Variants in PDE4D observed in about 807,000 individuals in gnomAD.
PDE4D encodes the protein phosphodiesterase 4D.
In PDE4D, 24 loss-of-function variants were observed where a neutral mutation model predicts 87.4. The observed-to-expected ratio is 0.27, with a 90% CI of 0.20 to 0.39. The LOEUF is 0.39. Among genes scored for constraint, PDE4D ranks in the 10% least tolerant of loss-of-function variants. The pLI is 1.00. For missense variants in PDE4D, 714 were observed against 1,041.0 expected (o/e 0.69, Z 4.32); for synonymous variants, 384 against 383.2 (o/e 1.00, Z -0.02).
chr5:60,086,189 T>A (rs894293057), intron 2 of PDE4D, among the ~76,000 whole-genome samples: 1 of 152,204 alleles, frequency 6.6e-6, no homozygotes, highest in African/African-American at 2.4e-5. Flanking sequence ...ATATTCTAGA[T>A]AAAACAACAG....
chr5:60,023,587 TTTCTCTACTTCTACAGGTCCCC>T (rs1218440947), intron 2 of PDE4D, among the ~76,000 whole-genome samples: 1 of 152,186 alleles, frequency 6.6e-6, no homozygotes, highest in African/African-American at 2.4e-5. Flanking sequence ...TTCAGATTTC[TTTCTCTACTTCTACAGGTCCCC>T]TTCTCTCCAC....
chr5:60,296,015 C>G lies in PDE4D; in HGVS notation c.-89-110328G>C, dbSNP rs561332112. 3.4e-4 allele frequency among the ~76,000 whole-genome samples: 52 copies of G among 152,278 alleles called. 1 individual carries two copies. The highest frequency in any genetic ancestry group is 2.3e-3 in the South Asian group (11 of 4,828). ...ATAGATGGCACCTTCTCACGGTGTC[C>G]TCACATGGTGGAAGAGTTAACGGAG... On this transcript the variant is annotated intron_variant, in intron 1 of 16. Coordinates refer to the PDE4D transcript ENST00000502484.
At chr5:59,286,917 T>TATC (rs10661060) in intron 1 of PDE4D, among the ~76,000 whole-genome samples, 100,930 of 151,750 alleles carry the variant, frequency 0.67, 34,888 homozygotes, top group African/African-American at 0.86. Flanking sequence ...TCTTTGGATG[T>TATC]ATATTTTCAT....
At chr5:59,914,501 G>A (rs1753784452) in intron 3 of PDE4D, among the ~76,000 whole-genome samples, 2 of 151,890 alleles carry the variant, frequency 1.3e-5, no homozygotes. Flanking sequence ...AGCAAGTTGA[G>A]GGAGAGATCA....
chr5:59,996,634 C>A (rs978083331), intron 2 of PDE4D, among the ~76,000 whole-genome samples: 5 of 152,082 alleles, frequency 3.3e-5, no homozygotes, highest in African/African-American at 1.2e-4. Flanking sequence ...TGTCTCATTA[C>A]TTATTATGTA....
At chr5:58,977,416 T>C (rs1744070638) in intron 11 of PDE4D, 71 bp from the exon 12 acceptor site, 2 of 1,441,318 alleles carry the variant, frequency 1.4e-6, no homozygotes, top group Non-Finnish European at 1.9e-6. Flanking sequence ...CTTAAAATTC[T>C]GGATTTAGGA....
At chr5:60,425,095 A>G (rs903340984) in intron 1 of PDE4D, among the ~76,000 whole-genome samples, 12 of 152,216 alleles carry the variant, frequency 7.9e-5, no homozygotes, top group African/African-American at 2.7e-4. Context: ...TATTGTGAAA[A>G]CGGCCACACT....
At chr5:59,519,315 G>A (rs967930431) in intron 1 of PDE4D, among the ~76,000 whole-genome samples, 2 of 152,198 alleles carry the variant, frequency 1.3e-5, no homozygotes, top group African/African-American at 2.4e-5. Context: ...GTAGGTCATA[G>A]GTGCTATGAA....
At chr5:59,037,367 CA>C (rs1359794696) in intron 6 of PDE4D, among the ~76,000 whole-genome samples, 2 of 152,178 alleles carry the variant, frequency 1.3e-5, no homozygotes, top group Non-Finnish European at 2.9e-5. Context: ...AACTCAGGCC[CA>C]TGGCAAAGTG....
chr5:59,502,876 AG>A (rs1462580508), intron 1 of PDE4D, among the ~76,000 whole-genome samples: 2 of 151,266 alleles, frequency 1.3e-5, no homozygotes, highest in African/African-American at 4.9e-5. Flanking sequence ...ATATCTTGAT[AG>A]GATAGAGGTG....
intron 1 of PDE4D, among the ~76,000 whole-genome samples, chr5:59,771,512 A>AAGAAAGAAAGAAAGAAAGAG (rs1561638171): frequency 7.0e-6 from 1 of 143,446 alleles, no homozygotes; most frequent in Non-Finnish European, 1.5e-5. Flanking sequence ...GAAAGAAAGA[A>AAGAAAGAAAGAAAGAAAGAG]AGAAAGAAAG....
At chr5:60,337,378 T>TACACACAC (rs1561133956) in intron 1 of PDE4D, among the ~76,000 whole-genome samples, 1 of 114,584 alleles carries the variant, frequency 8.7e-6, no homozygotes, top group African/African-American at 4.1e-5. Context: ...TATATATATA[T>TACACACAC]ATATATATAT....
intron 1 of PDE4D, among the ~76,000 whole-genome samples, chr5:60,234,542 G>A (rs1019327240): frequency 5.3e-5 from 8 of 151,824 alleles, no homozygotes; most frequent in South Asian, 4.1e-4. Context: ...AAGAGACTGC[G>A]CTATTTTATA....
In PDE4D at chr5:59,555,542, A is replaced by G. The variant is rs1818757913; in HGVS notation, c.455+337626T>C. Among the ~76,000 whole-genome samples the G allele has an allele frequency of 5.3e-5, 8 of 152,286 alleles. No homozygotes were observed. The South Asian group carries it at 1.7e-3, about 32-fold the overall frequency. On this transcript the variant is annotated intron_variant, in intron 1 of 14. Transcript: ENST00000340635. The stretch of plus-strand genomic sequence containing the variant: ...AAATAAGATGAAATGCATAGGGCAA[A>G]GGTAAATCTGTTTGTGGAAAAACAG...
chr5:60,498,166 GCACACACACACACACA>G (rs34436235), intron 1 of PDE4D, among the ~76,000 whole-genome samples: 3 of 144,210 alleles, frequency 2.1e-5, no homozygotes, highest in African/African-American at 7.6e-5. Flanking sequence ...ACACACACAT[GCACACACACACACACA>G]CACACACACA....
intron 1 of PDE4D, among the ~76,000 whole-genome samples, chr5:59,468,068 T>G (rs1421310704): frequency 6.6e-6 from 1 of 152,250 alleles, no homozygotes; most frequent in Non-Finnish European, 1.5e-5. Flanking sequence ...GTTTAAAAGC[T>G]GCATTTAAGT....
chr5:60,317,838 C>T (rs1050701045), intron 1 of PDE4D, among the ~76,000 whole-genome samples: 1 of 152,156 alleles, frequency 6.6e-6, no homozygotes, highest in Non-Finnish European at 1.5e-5. Context: ...TTTGATTGCA[C>T]TGTGGTCTGA....
intron 1 of PDE4D, chr5:60,334,963 G>A (rs1301420247): frequency 6.6e-6 from 1 of 152,130 alleles, no homozygotes; most frequent in East Asian, 1.9e-4. Context: ...TGAACAGGGT[G>A]ACCTTCTAGT....
chr5:59,506,486 G>C (rs574803461), intron 1 of PDE4D, among the ~76,000 whole-genome samples: 60 of 152,166 alleles, frequency 3.9e-4, no homozygotes, highest in African/African-American at 1.4e-3. Context: ...AACAGCAGGG[G>C]GAGCTCAAAG....
Sources: allele counts gnomAD v4.1 joint callset (sites outside exome capture counted in the v4.1 genomes callset), GRCh38; gene constraint gnomAD v4.1.1; transcripts MANE v1.5; gene names NCBI Gene and HGNC (gene_info 2026-07-23, HGNC 2026-07-21).